The following CCNK variants were observed in gnomAD, a reference collection of about 807,000 sequenced individuals.
CCNK encodes the protein cyclin-K.
A neutral mutation model predicts 65.0 loss-of-function variants in CCNK; 9 were observed. The observed-to-expected ratio is 0.14, with a 90% CI of 0.08 to 0.24. The LOEUF (loss-of-function observed/expected upper bound fraction) is 0.24. Among genes scored for constraint, CCNK ranks in the 10% least tolerant of loss-of-function variants. The pLI, the probability that CCNK is intolerant of heterozygous loss-of-function variation, is 1.00. For missense variants in CCNK, 474 were observed against 720.0 expected (o/e 0.66, Z 3.91); for synonymous variants, 279 against 270.8 (o/e 1.03, Z -0.30).
chr14:99,485,793 G>A (rs1896470270), intron 1 of CCNK, among the ~76,000 whole-genome samples: 1 of 152,058 alleles, frequency 6.6e-6, no homozygotes, highest in South Asian at 2.1e-4. Context: ...CCTGGAGGCG[G>A]GAGGTTGCAG....
chr14:99,493,116 G>T, intron 2 of CCNK: 1 of 499,388 alleles, frequency 2.0e-6, no homozygotes, highest in Non-Finnish European at 3.5e-6. Context: ...TAGGATCACA[G>T]TTGAGGCTGG....
rs369472630 is a variant in CCNK, at chr14:99,510,152, T to C, written c.1118-5T>C. 1.3e-5 allele frequency: 20 copies of C among 1,593,632 alleles called. No homozygotes were observed. The highest frequency in any genetic ancestry group is 2.2e-4 in the Middle Eastern group (1 of 4,642). On this transcript the variant is annotated splice_polypyrimidine_tract_variant and splice_region_variant and intron_variant, in intron 10 of 10. Transcript: ENST00000389879. ...GCCGGGCACTGATGCGTCTCTCTCC[T>C]GCAGACCGGAAGCCTCCCCTCGCTG...
intron 4 of CCNK, among the ~76,000 whole-genome samples, chr14:99,498,389 G>C (rs1896746835): frequency 6.6e-6 from 1 of 152,172 alleles, no homozygotes; most frequent in African/African-American, 2.4e-5. Flanking sequence ...CCTGGTCGGA[G>C]TCGGGGCCAA....
At chr14:99,495,202 T>G (rs1896675143) in intron 3 of CCNK, 2 of 203,006 alleles carry the variant, frequency 9.9e-6, no homozygotes, top group South Asian at 1.6e-4. Flanking sequence ...AATTTCAGAT[T>G]GGAATATGAG....
chr14:99,503,884 A>G (rs777075018), intron 9 of CCNK: 1 of 530,832 alleles, frequency 1.9e-6, no homozygotes, highest in Non-Finnish European at 3.3e-6. Flanking sequence ...TGTACTCAGT[A>G]ACATATATAA....
At position 99,510,217 on chromosome 14, in the gene CCNK, C is replaced by T; in HGVS notation, c.1178C>T (p.Ala393Val). 2 of 1,596,538 alleles carry T rather than the reference C, an allele frequency of 1.3e-6. No homozygotes were observed. Among genetic ancestry groups the T allele is most frequent in the African/African-American group, 1.3e-5 (1 of 74,716 alleles). The stretch of plus-strand genomic sequence containing the variant: ...GCTGAGCCGCCGGGCCCTGTGGATG[C>T]CACTGACCTCCCCAAAGTCCAGATT... ...GEAEPPGPVD[A>V]TDLPKVQIPP... The change falls in exon 11 of 11, where the codon GCC becomes GTC. Residue 393 changes from alanine (A) to valine (V), a missense_variant. Physicochemically the swap from Ala to Val is moderately conservative, Grantham distance 64. Transcript: ENST00000389879.
intron 1 of CCNK, among the ~76,000 whole-genome samples, chr14:99,484,566 C>T (rs1388684428): frequency 2.6e-5 from 4 of 152,180 alleles, no homozygotes; most frequent in East Asian, 1.9e-4. Flanking sequence ...TTTAAGGACC[C>T]TGGTAGAAGT....
chr14:99,489,314 AT>A (rs534423789), intron 1 of CCNK, among the ~76,000 whole-genome samples: 148 of 152,334 alleles, frequency 9.7e-4, no homozygotes, highest in African/African-American at 3.5e-3. Context: ...GCAAAAAAAA[AT>A]GTGTTTGAAA....
intron 1 of CCNK, among the ~76,000 whole-genome samples, chr14:99,487,327 G>A (rs1325275468): frequency 6.6e-6 from 1 of 152,132 alleles, no homozygotes; most frequent in African/African-American, 2.4e-5. Flanking sequence ...TGACATGTTG[G>A]ACCAGATAAT....
chr14:99,498,917 T>C (rs898473999), intron 4 of CCNK, among the ~76,000 whole-genome samples: 4 of 152,144 alleles, frequency 2.6e-5, no homozygotes, highest in African/African-American at 9.7e-5. Flanking sequence ...CCTGTAACAG[T>C]ATGTGGGCTA....
rs767282814 is a variant in CCNK, at chr14:99,510,277, C to A, written c.1238C>A (p.Pro413Gln). 12 of 1,561,082 alleles carry A rather than the reference C, an allele frequency of 7.7e-6. No individual in the cohort carries two copies. Among genetic ancestry groups the A allele is most frequent in the Non-Finnish European group, 1.0e-5 (12 of 1,155,428 alleles). The change falls in exon 11 of 11, where the codon CCA becomes CAA. Residue 413 changes from proline (P) to glutamine (Q), a missense_variant. By Grantham distance (76) the Pro-to-Gln change is moderately conservative (BLOSUM62 -1). Around this residue, in one of 6 missense-constraint regions of CCNK, gnomAD observed 229 missense variants for 275.5 expected, o/e 0.83. Coordinates refer to ENST00000389879, the MANE Select transcript of CCNK (RefSeq NM_001099402.2). ...GCCCACCCGGCCCCTGTGCACCAGCCACCGCCGCTGCCACACCGGCCCCCG... is the reference window on the plus strand; with the variant it reads ...GCCCACCCGGCCCCTGTGCACCAGCAACCGCCGCTGCCACACCGGCCCCCG... ...PPAHPAPVHQ[P>Q]PPLPHRPPPP...
At chr14:99,509,818 CAG>C (rs1163215992) in intron 10 of CCNK, 6 of 363,860 alleles carry the variant, frequency 1.6e-5, no homozygotes, top group Non-Finnish European at 3.0e-5. Context: ...GGCAGAAAAA[CAG>C]AGGAGCCCCC....
chr14:99,502,968 A>T lies in CCNK; in HGVS notation c.995A>T (p.Gln332Leu). 1.9e-6 allele frequency: 3 copies of T among 1,613,974 alleles called. No individual in the cohort carries two copies. The highest frequency in any genetic ancestry group is 2.5e-6 in the Non-Finnish European group (3 of 1,179,890). ...KPSPQPSSPR[Q>L]VKRAVVVSPK... ...TCTCCGCAGCCCAGTTCTCCCCGAC[A>T]GGTTAAGCGAGCCGTGGTGAGTGGG... The change falls in exon 8 of 11, where the codon CAG becomes CTG. Residue 332 changes from glutamine (Q) to leucine (L), a missense_variant. By Grantham distance (113) the Gln-to-Leu change is moderately radical. Around this residue, in one of 6 missense-constraint regions of CCNK, gnomAD observed 229 missense variants for 275.5 expected, o/e 0.83. Transcript: ENST00000389879.
chr14:99,507,780 G>A (rs1897012568), intron 10 of CCNK: 1 of 153,128 alleles, frequency 6.5e-6, no homozygotes, highest in Non-Finnish European at 1.5e-5. Flanking sequence ...TTGGCAGTGT[G>A]TCGTCTTAGT....
intron 4 of CCNK, among the ~76,000 whole-genome samples, chr14:99,498,136 C>T (rs1477275301): frequency 6.6e-6 from 1 of 152,194 alleles, no homozygotes; most frequent in East Asian, 1.9e-4. Context: ...GGCATGGACT[C>T]GTGGCAGCTG....
At chr14:99,505,434 C>G (rs950407039) in intron 9 of CCNK, 1 of 152,162 alleles carries the variant, frequency 6.6e-6, no homozygotes, top group Non-Finnish European at 1.5e-5. Flanking sequence ...GAAAGGAGAA[C>G]GTAAGACATC....
intron 10 of CCNK, 117 bp from the exon 11 acceptor site, chr14:99,510,037 CAGA>C: frequency 1.0e-6 from 1 of 1,002,834 alleles, no homozygotes; most frequent in Non-Finnish European, 1.4e-6. Context: ...CGTTGGGCCA[CAGA>C]GGAGGCGGGC....
At position 99,495,518 on chromosome 14, in the gene CCNK, C is replaced by G. The variant is rs751458769; in HGVS notation, c.300C>G (p.Leu100=). ...FPRYVTGACC[L]FLAGKVEETP... Reference sequence around the variant, plus strand: ...TTTAGGTGACAGGAGCCTGTTGCCTCTTTCTGGCTGGGAAAGTAGAAGAAA... The same window carrying G: ...TTTAGGTGACAGGAGCCTGTTGCCTGTTTCTGGCTGGGAAAGTAGAAGAAA... The change falls in exon 4 of 11, where the codon CTC becomes CTG. Residue 100 remains leucine, a synonymous_variant. Transcript: ENST00000389879. The G allele has an allele frequency of 1.2e-6, 2 of 1,611,838 alleles. No homozygotes were observed. The highest frequency in any genetic ancestry group is 1.7e-6 in the Non-Finnish European group (2 of 1,179,064).
At chr14:99,490,612 T>C (rs1163208703) in intron 1 of CCNK, among the ~76,000 whole-genome samples, 1 of 152,196 alleles carries the variant, frequency 6.6e-6, no homozygotes, top group Non-Finnish European at 1.5e-5. Context: ...TTGGTAAATA[T>C]TTTTTGAATT....
Sources: gnomAD v4.1 joint callset for allele counts (sites outside exome capture counted in the v4.1 genomes callset) on GRCh38, gnomAD v4.1.1 for gene constraint, gnomAD v4.1.1 regional missense constraint, MANE v1.5 for transcripts, NCBI Gene and HGNC (gene_info 2026-07-23, HGNC 2026-07-21) for gene names.